SIPA1L3: variants seen among roughly 807,000 people sequenced by gnomAD.
SIPA1L3 encodes the protein signal induced proliferation associated 1 like 3, also known as signal-induced proliferation-associated 1-like protein 3.
Under a neutral mutation model 150.1 loss-of-function variants are expected in SIPA1L3, and 59 were observed. The observed-to-expected ratio is 0.39, with a 90% confidence interval of 0.32 to 0.49. The LOEUF (loss-of-function observed/expected upper bound fraction) is 0.49, where lower values mean the gene tolerates loss of function less well. Ranked by LOEUF, SIPA1L3 falls within the 20% of genes least tolerant of loss-of-function variation. The probability of loss-of-function intolerance (pLI) is 0.86; values close to 1 mark genes in which losing one functional copy is unlikely to be tolerated. For missense variants in SIPA1L3, 2,211 were observed against 2,489.5 expected, an observed-to-expected ratio of 0.89 and a Z score of 2.38; for synonymous variants, 1,070 against 1,077.6, an observed-to-expected ratio of 0.99 and a Z score of 0.14.
chr19:38,115,832 C>G (rs1600091684), intron 8 of SIPA1L3, among the ~76,000 whole-genome samples: 1 of 152,326 alleles, frequency 6.6e-6, no homozygotes, highest in African/African-American at 2.4e-5. Flanking sequence ...GAGTTTATCT[C>G]TGTGTGTTGA....
Position 37,999,695 on chromosome 19 carries a change from G to A in SIPA1L3, c.-378-29394G>A, listed in dbSNP as rs190862544. On this transcript the variant is annotated intron_variant, in intron 1 of 21. Coordinates refer to ENST00000222345, the MANE Select transcript of SIPA1L3 (RefSeq NM_015073.3). ...TTGGGTAGCCCAGTGGGAGACCCAC[G>A]TGTGCGTGTGGTCAGCTGTAGCTTC... Among the ~76,000 whole-genome samples, 9 of 152,344 alleles carry A rather than the reference G, an allele frequency of 5.9e-5. No homozygotes were observed. The South Asian group carries it at 1.5e-3, about 25-fold the overall frequency.
intron 1 of SIPA1L3, among the ~76,000 whole-genome samples, chr19:37,971,230 C>T (rs990381583): frequency 6.6e-6 from 1 of 152,074 alleles, no homozygotes; most frequent in Non-Finnish European, 1.5e-5. Flanking sequence ...ATCCTCCTGT[C>T]TCTGCCTCCC....
chr19:38,180,629 C>T (rs976608767), intron 15 of SIPA1L3, among the ~76,000 whole-genome samples: 3 of 151,228 alleles, frequency 2.0e-5, no homozygotes, highest in Non-Finnish European at 4.4e-5. Context: ...CCGCGACCTC[C>T]GCCTCCCGGG....
At chr19:38,124,489 C>T (rs971866846) in intron 9 of SIPA1L3, among the ~76,000 whole-genome samples, 2 of 150,884 alleles carry the variant, frequency 1.3e-5, no homozygotes, top group Non-Finnish European at 1.5e-5. Context: ...GGGATGGCAG[C>T]CGGGCAGAGA....
intron 1 of SIPA1L3, among the ~76,000 whole-genome samples, chr19:37,971,935 A>T (rs576318567): frequency 1.3e-5 from 2 of 152,110 alleles, no homozygotes; most frequent in African/African-American, 4.8e-5. Context: ...TTTGGGTTGG[A>T]TAATATTCTG....
At chr19:38,133,414 C>A (rs1488810844) in intron 10 of SIPA1L3, among the ~76,000 whole-genome samples, 20 of 152,132 alleles carry the variant, frequency 1.3e-4, no homozygotes, top group Non-Finnish European at 1.5e-5. Context: ...GTTTAGTTAC[C>A]CTGAGGTATA....
At chr19:38,067,687 C>T (rs28587798) in intron 2 of SIPA1L3, among the ~76,000 whole-genome samples, 28,642 of 151,048 alleles carry the variant, frequency 0.19, 2,977 homozygotes, top group African/African-American at 0.27. Flanking sequence ...GCTTGAACCC[C>T]GGAGGTGGAG....
At chr19:37,972,168 AGTGTGTGT>A (rs34744094) in intron 1 of SIPA1L3, among the ~76,000 whole-genome samples, 268 of 145,034 alleles carry the variant, frequency 1.8e-3, no homozygotes, top group African/African-American at 2.3e-3. Flanking sequence ...AGAGATACCT[AGTGTGTGT>A]GTGTGTGTGT....
intron 1 of SIPA1L3, among the ~76,000 whole-genome samples, chr19:37,930,770 C>T (rs1429156184): frequency 1.3e-5 from 2 of 152,088 alleles, no homozygotes; most frequent in African/African-American, 2.4e-5. Context: ...TGGTACTGTC[C>T]TCCTAGGTTG....
At chr19:38,014,672 A>AT (rs11335709) in intron 1 of SIPA1L3, among the ~76,000 whole-genome samples, 1,523 of 139,724 alleles carry the variant, frequency 0.011, 21 homozygotes, top group African/African-American at 0.034. Context: ...CCCCCGGCTA[A>AT]TTTTTTTTTT....
intron 2 of SIPA1L3, among the ~76,000 whole-genome samples, chr19:38,073,306 G>A (rs931357376): frequency 1.3e-5 from 2 of 152,160 alleles, no homozygotes; most frequent in Non-Finnish European, 2.9e-5. Context: ...GAGGGAATGG[G>A]GGGACATGCT....
chr19:38,159,408 C>T (rs1415272026), intron 13 of SIPA1L3, among the ~76,000 whole-genome samples: 1 of 152,192 alleles, frequency 6.6e-6, no homozygotes, highest in East Asian at 1.9e-4. Flanking sequence ...TCAGCAGTGA[C>T]CTCCTCCCCC....
chr19:37,957,687 A>G (rs2046823350), intron 1 of SIPA1L3, among the ~76,000 whole-genome samples: 1 of 151,856 alleles, frequency 6.6e-6, no homozygotes, highest in South Asian at 2.1e-4. Flanking sequence ...CTATAGGCAC[A>G]TGTCACCATG....
intron 9 of SIPA1L3, among the ~76,000 whole-genome samples, chr19:38,126,255 G>T (rs999854306): frequency 1.3e-5 from 2 of 152,102 alleles, no homozygotes; most frequent in African/African-American, 4.8e-5. Context: ...TAAAAGGGGG[G>T]TGTGGAGGAT....
At chr19:38,041,575 C>A (rs1393916340) in intron 2 of SIPA1L3, among the ~76,000 whole-genome samples, 1 of 151,838 alleles carries the variant, frequency 6.6e-6, no homozygotes, top group Admixed American at 6.6e-5. Context: ...CCGCACCAGG[C>A]CCCAGCTAAT....
intron 10 of SIPA1L3, among the ~76,000 whole-genome samples, chr19:38,137,863 G>C (rs1209096931): frequency 1.3e-5 from 2 of 152,062 alleles, no homozygotes; most frequent in African/African-American, 4.8e-5. Context: ...AGGCATGGTG[G>C]CTCATGTCTG....
At chr19:37,911,531 C>T (rs375572668) in intron 1 of SIPA1L3, among the ~76,000 whole-genome samples, 30 of 149,080 alleles carry the variant, frequency 2.0e-4, no homozygotes, top group African/African-American at 4.4e-4. Flanking sequence ...TTTTTTGAGA[C>T]GGAGTCTTGC....
At chr19:38,103,149 A>G (rs1247456042) in intron 6 of SIPA1L3, among the ~76,000 whole-genome samples, 2 of 144,656 alleles carry the variant, frequency 1.4e-5, no homozygotes, top group Non-Finnish European at 1.5e-5. Context: ...AAAAAAAAAA[A>G]CAAGGGAATA....
At chr19:37,972,590 G>A (rs943297756) in intron 1 of SIPA1L3, among the ~76,000 whole-genome samples, 2 of 152,086 alleles carry the variant, frequency 1.3e-5, no homozygotes, top group Non-Finnish European at 2.9e-5. Flanking sequence ...TGTAGTCCCA[G>A]CTACTTGGGA....
Sources: gnomAD v4.1 joint callset for allele counts (sites outside exome capture counted in the v4.1 genomes callset) on GRCh38, gnomAD v4.1.1 for gene constraint, MANE v1.5 for transcripts, NCBI Gene and HGNC (gene_info 2026-07-23, HGNC 2026-07-21) for gene names.